Variants in DNAH6 observed in about 807,000 individuals in gnomAD.
DNAH6 encodes the protein axonemal beta dynein heavy chain 6.
A neutral mutation model predicts 491.4 loss-of-function variants in DNAH6; 340 were observed. The observed-to-expected ratio is 0.69, with a 90% confidence interval of 0.63 to 0.76. The LOEUF (loss-of-function observed/expected upper bound fraction) is 0.76, where lower values mean the gene tolerates loss of function less well. Ranked by LOEUF, DNAH6 falls within the 30% of genes least tolerant of loss-of-function variation. The pLI is 0.00. For synonymous variants in DNAH6, 1,603 were observed against 1,686.1 expected, an observed-to-expected ratio of 0.95 and a Z score of 1.21; for missense variants, 4,443 against 4,972.2, an observed-to-expected ratio of 0.89 and a Z score of 3.20.
chr2:84,517,162 G>C (rs1475962728), intron 1 of DNAH6, among the ~76,000 whole-genome samples: 2 of 152,142 alleles, frequency 1.3e-5, no homozygotes, highest in African/African-American at 4.8e-5. Context: ...AAGGTGTTTC[G>C]AAGTATCTCC....
chr2:84,604,359 G>A lies in DNAH6; in HGVS notation c.2889G>A (p.Leu963=), dbSNP rs1311980750. Residue 963 remains leucine, a synonymous_variant, in exon 19 of 77, where the codon TTG becomes TTA. Coordinates refer to ENST00000389394, the MANE Select transcript of DNAH6 (RefSeq NM_001370.2). ...TTCAGCTTCCAGTTATCATTGACTTGAGGAACCCGACTTTGAAGGCAAGAC... is the reference window on the plus strand; with the variant it reads ...TTCAGCTTCCAGTTATCATTGACTTAAGGAACCCGACTTTGAAGGCAAGAC... ...MKEKLPVIID[L]RNPTLKARHW... is the part of the protein sequence containing the mutation. The A allele has an allele frequency of 1.9e-6, 3 of 1,552,150 alleles. No homozygotes were observed. The highest frequency in any genetic ancestry group is 1.2e-5 in the South Asian group (1 of 84,062).
chr2:84,655,465 A>C (rs1194158633), intron 35 of DNAH6, among the ~76,000 whole-genome samples: 1 of 151,708 alleles, frequency 6.6e-6, no homozygotes, highest in Non-Finnish European at 1.5e-5. Context: ...CTCATCCCCT[A>C]CTCCAAGTAA....
upstream of DNAH6, among the ~76,000 whole-genome samples, chr2:84,515,778 C>T (rs192013609): frequency 1.3e-5 from 2 of 152,220 alleles, no homozygotes; most frequent in African/African-American, 2.4e-5. Context: ...TCGATGGGGT[C>T]GCTCCATACA....
At chr2:84,686,436 A>T (rs1462865771) in intron 43 of DNAH6, 48 bp from the exon 44 acceptor site, 2 of 1,071,530 alleles carry the variant, frequency 1.9e-6, no homozygotes, top group Non-Finnish European at 2.8e-6. Flanking sequence ...AAAATATTCC[A>T]TTCAAGATTA....
At position 84,784,697 on chromosome 2, in the gene DNAH6, GTTGTTTTATCT is replaced by G; in HGVS notation, c.10865-16_10865-6del. 6.8e-7 allele frequency: 1 copy of G among 1,477,574 alleles called. No individual in the cohort carries two copies. The highest frequency in any genetic ancestry group is 1.2e-5 in the South Asian group (1 of 80,662). The allele number at this position is 1,477,574 out of a possible 1,614,324, so 91.5% of individuals were successfully genotyped here. A position where few individuals can be genotyped will look rare whatever the true frequency, so the allele number is the denominator to read the frequency against. ...TACCAACTAAACATTTTCCTTTTTT[GTTGTTTTATCT>G]TTGTTTTAAGCAGATAGTGCTATCA... is the stretch of plus-strand genomic sequence containing the variant. On this transcript the variant is annotated splice_polypyrimidine_tract_variant and intron_variant, in intron 65 of 76. Transcript: ENST00000389394.
chr2:84,774,407 T>G (rs914761590), intron 64 of DNAH6, among the ~76,000 whole-genome samples: 2 of 152,144 alleles, frequency 1.3e-5, no homozygotes, highest in African/African-American at 4.8e-5. Context: ...GTCTCTATTC[T>G]ATTCTATTGG....
chr2:84,573,074 C>T (rs1299861299), intron 11 of DNAH6, among the ~76,000 whole-genome samples: 1 of 152,142 alleles, frequency 6.6e-6, no homozygotes, highest in South Asian at 2.1e-4. Context: ...TCTGGGCATG[C>T]TAAACAGGTT....
intron 33 of DNAH6, among the ~76,000 whole-genome samples, chr2:84,652,378 TTA>T (rs1316543205): frequency 1.3e-5 from 2 of 152,118 alleles, no homozygotes; most frequent in Non-Finnish European, 2.9e-5. Context: ...TGTTCATTAT[TTA>T]TTTATAATTA....
At chr2:84,692,277 T>C (rs1694932537) in intron 45 of DNAH6, among the ~76,000 whole-genome samples, 1 of 152,206 alleles carries the variant, frequency 6.6e-6, no homozygotes, top group African/African-American at 2.4e-5. Flanking sequence ...GAAGCTTACA[T>C]GTGGGAAATA....
rs144816212 is a variant in DNAH6 at position 84,739,311 on chromosome 2, C to T, written c.10342+5732C>T. Reference sequence around the variant, plus strand: ...GGTTAGTCCTATCCCTCCTATCCATCCCCAAGTGTGTCTTGGGAATTGTCA... The same window carrying T: ...GGTTAGTCCTATCCCTCCTATCCATTCCCAAGTGTGTCTTGGGAATTGTCA... On this transcript the variant is annotated intron_variant, in intron 62 of 76. Transcript: ENST00000389394. 1.1e-4 allele frequency among the ~76,000 whole-genome samples: 16 copies of T among 152,234 alleles called. No homozygotes were observed. The East Asian group carries it at 3.1e-3, about 29-fold the overall frequency.
At chr2:84,682,601 A>G (rs911907396) in intron 42 of DNAH6, among the ~76,000 whole-genome samples, 3 of 152,042 alleles carry the variant, frequency 2.0e-5, no homozygotes, top group African/African-American at 7.2e-5. Context: ...GTCTAAATGG[A>G]ACTCTTGCTT....
chr2:84,606,051 T>A (rs1685728739), intron 20 of DNAH6, among the ~76,000 whole-genome samples: 1 of 152,202 alleles, frequency 6.6e-6, no homozygotes, highest in Non-Finnish European at 1.5e-5. Flanking sequence ...TTGAGTTTAT[T>A]GGAATTAGGA....
chr2:84,686,544 G>A lies in DNAH6; in HGVS notation c.7124G>A (p.Gly2375Glu). The part of the protein sequence containing the change: ...EYFLNKPIIF[G>E]DFIKFGADKA... ...TTTTTGAATAAGCCCATCATATTTG[G>A]AGATTTCATTAAGGCAAGTATGTTA... The change falls in exon 44 of 77, where the codon GGA (glycine) becomes GAA (glutamate). Residue 2375 changes from glycine (G) to glutamate (E), a missense_variant. Around this residue, in one of 3 missense-constraint regions of DNAH6, gnomAD observed 2,977 missense variants for 3,296.6 expected, o/e 0.90. Coordinates refer to ENST00000389394, the MANE Select transcript of DNAH6 (RefSeq NM_001370.2). 6.6e-7 allele frequency: 1 copy of A among 1,522,770 alleles called. No homozygotes were observed. Among genetic ancestry groups the A allele is most frequent in the Non-Finnish European group, 8.9e-7 (1 of 1,123,640 alleles). The allele number at this position is 1,522,770 out of a possible 1,614,324, so 94.3% of individuals were successfully genotyped here. A position where few individuals can be genotyped will look rare whatever the true frequency, so the allele number is the denominator to read the frequency against.
intron 39 of DNAH6, among the ~76,000 whole-genome samples, chr2:84,671,727 G>A (rs371832391): frequency 5.7e-4 from 87 of 152,276 alleles, no homozygotes; most frequent in African/African-American, 1.9e-3. Flanking sequence ...ACCTCCTGTA[G>A]TAATCCCAAC....
At chr2:84,730,284 G>T (rs189868096) in intron 61 of DNAH6, among the ~76,000 whole-genome samples, 197 of 152,246 alleles carry the variant, frequency 1.3e-3, no homozygotes, top group African/African-American at 4.6e-3. Context: ...TAGAGTTTAG[G>T]GACAAACAGA....
At chr2:84,611,632 T>A in intron 21 of DNAH6, 42 bp from the exon 22 acceptor site, 1 of 1,480,742 alleles carries the variant, frequency 6.8e-7, no homozygotes. Flanking sequence ...ATGTTTTTAA[T>A]TGGGGAATTA....
intron 22 of DNAH6, among the ~76,000 whole-genome samples, chr2:84,614,963 CTG>C (rs1686703586): frequency 6.6e-6 from 1 of 152,066 alleles, no homozygotes; most frequent in African/African-American, 2.4e-5. Context: ...TTTTCCCACT[CTG>C]TGAGTTGTCT....
At chr2:84,633,460 C>G (rs1284016168) in intron 29 of DNAH6, among the ~76,000 whole-genome samples, 3 of 151,996 alleles carry the variant, frequency 2.0e-5, no homozygotes, top group Admixed American at 6.6e-5. Context: ...ACCCATAAAC[C>G]CAATCATTCC....
At chr2:84,501,346 G>C in the DNAH6 span, among the ~76,000 whole-genome samples, 1 of 151,844 alleles carries the variant, frequency 6.6e-6, no homozygotes, top group Non-Finnish European at 1.5e-5. Context: ...GCATATGTTG[G>C]GTCATCCGTG....
Sources: gnomAD v4.1 joint callset for allele counts (sites outside exome capture counted in the v4.1 genomes callset) on GRCh38, gnomAD v4.1.1 for gene constraint, gnomAD v4.1.1 regional missense constraint, MANE v1.5 for transcripts, NCBI Gene and HGNC (gene_info 2026-07-23, HGNC 2026-07-21) for gene names.